CNTN5: variants seen among roughly 807,000 people sequenced by gnomAD.
CNTN5 encodes the protein contactin 5.
Under a neutral mutation model 129.1 loss-of-function variants are expected in CNTN5, and 77 were observed. The observed-to-expected ratio is 0.60, with a 90% CI of 0.50 to 0.72. The LOEUF (loss-of-function observed/expected upper bound fraction) is 0.72. CNTN5 is among the 30% of genes least tolerant of loss of function. CNTN5 has a pLI of 0.00. For synonymous variants in CNTN5, 509 were observed against 465.6 expected, an observed-to-expected ratio of 1.09 and a Z score of -1.20; for missense variants, 1,478 against 1,328.8, an observed-to-expected ratio of 1.11 and a Z score of -1.75.
At chr11:99,387,001 T>C (rs928918532) in intron 2 of CNTN5, among the ~76,000 whole-genome samples, 3 of 152,208 alleles carry the variant, frequency 2.0e-5, no homozygotes, top group Non-Finnish European at 4.4e-5. Flanking sequence ...ATTTATTTAA[T>C]ACTTGTTGGT....
intron 3 of CNTN5, among the ~76,000 whole-genome samples, chr11:99,807,896 G>A (rs1336130868): frequency 6.6e-6 from 1 of 152,036 alleles, no homozygotes; most frequent in African/African-American, 2.4e-5. Flanking sequence ...TGTTTATAAT[G>A]AGAATATTTA....
intron 3 of CNTN5, among the ~76,000 whole-genome samples, chr11:99,689,530 G>GAAAAAAAAAAAAAAAAAAAAA (rs368912453): frequency 1.1e-5 from 1 of 92,902 alleles, no homozygotes; most frequent in Non-Finnish European, 1.9e-5. Context: ...CCTCAAAAAA[G>GAAAAAAAAAAAAAAAAAAAAA]AAAAAAAAAA....
intron 9 of CNTN5, among the ~76,000 whole-genome samples, chr11:100,040,690 C>T (rs997245222): frequency 6.6e-6 from 1 of 152,146 alleles, no homozygotes; most frequent in East Asian, 1.9e-4. Flanking sequence ...CGCCCCTCCC[C>T]CAGCCTCACT....
intron 3 of CNTN5, among the ~76,000 whole-genome samples, chr11:99,771,851 T>G (rs1381238897): frequency 6.6e-6 from 1 of 152,032 alleles, no homozygotes; most frequent in Non-Finnish European, 1.5e-5. Context: ...TTGAGTAGCT[T>G]CCTTTATGTG....
intron 3 of CNTN5, among the ~76,000 whole-genome samples, chr11:99,601,624 C>T (rs776662313): frequency 1.3e-4 from 20 of 152,126 alleles, no homozygotes; most frequent in African/African-American, 1.9e-4. Context: ...TACTAAACAA[C>T]GAATTTGTAT....
chr11:100,299,123 A>G (rs200311310), intron 19 of CNTN5, 39 bp from the exon 20 acceptor site: 4 of 1,312,442 alleles, frequency 3.0e-6, no homozygotes, highest in Non-Finnish European at 2.1e-6. Context: ...TTTTTAATCA[A>G]TCATTTTGCT....
chr11:100,346,604 C>G (rs1952287386), intron 23 of CNTN5, among the ~76,000 whole-genome samples: 1 of 152,042 alleles, frequency 6.6e-6, no homozygotes, highest in Non-Finnish European at 1.5e-5. Context: ...CAAGCAAAAA[C>G]TATTAGTTTT....
At chr11:99,067,950 C>G (rs1037584229) in intron 1 of CNTN5, among the ~76,000 whole-genome samples, 2 of 152,012 alleles carry the variant, frequency 1.3e-5, no homozygotes, top group Non-Finnish European at 2.9e-5. Flanking sequence ...ATGCTGTTCT[C>G]GTGATAGTGA....
At chr11:99,735,602 G>A (rs116257321) in intron 3 of CNTN5, among the ~76,000 whole-genome samples, 2,122 of 152,250 alleles carry the variant, frequency 0.014, 53 homozygotes, top group African/African-American at 0.048. Flanking sequence ...AGTAGAATAA[G>A]CCAAATTTCT....
chr11:99,785,029 G>C (rs1283395629), intron 3 of CNTN5, among the ~76,000 whole-genome samples: 10 of 141,084 alleles, frequency 7.1e-5, no homozygotes, highest in Non-Finnish European at 9.5e-5. Flanking sequence ...TCTATCTCCT[G>C]ACCTCGTGAT....
At position 99,114,372 on chromosome 11, in the gene CNTN5, G is replaced by A. The variant is rs76111299; in HGVS notation, c.-210+93102G>A. Among the ~76,000 whole-genome samples the A allele has an allele frequency of 5.3e-3, 804 of 151,870 alleles. 9 individuals carry two copies. The highest frequency in any genetic ancestry group is 0.019 in the African/African-American group (778 of 41,442). On this transcript the variant is annotated intron_variant, in intron 1 of 24. Coordinates refer to ENST00000524871, the MANE Select transcript of CNTN5 (RefSeq NM_014361.4). ...TAAATCATGAACCTGACAACCTTTT[G>A]GAAATGCTCAGAGGTCTTCTTCTTC... is the stretch of plus-strand genomic sequence containing the variant.
At chr11:99,787,781 G>C (rs1441982010) in intron 3 of CNTN5, among the ~76,000 whole-genome samples, 3 of 151,880 alleles carry the variant, frequency 2.0e-5, no homozygotes, top group African/African-American at 2.4e-5. Flanking sequence ...ATATAATTAA[G>C]CCATTAATAC....
rs1038320333 is a variant in CNTN5 at position 99,315,890 on chromosome 11, G to A, written c.-209-9456G>A. Among the ~76,000 whole-genome samples the A allele has an allele frequency of 1.5e-5, 2 of 134,474 alleles. 1 individual carries two copies. Among genetic ancestry groups the A allele is most frequent in the Admixed American group, 1.4e-4 (2 of 13,850 alleles). The allele number at this position is 134,474 out of a possible 152,430, so 88.2% of individuals were successfully genotyped here. A position where few individuals can be genotyped will look rare whatever the true frequency, so the allele number is the denominator to read the frequency against. Reference sequence around the variant, plus strand: ...CTTAGCAAGAGTTGAATGATAGAAAGAAGAGACAATAGAATGACACAAATT... The same window carrying A: ...CTTAGCAAGAGTTGAATGATAGAAAAAAGAGACAATAGAATGACACAAATT... On this transcript the variant is annotated intron_variant, in intron 1 of 24. Coordinates refer to ENST00000524871, the MANE Select transcript of CNTN5 (RefSeq NM_014361.4).
intron 1 of CNTN5, among the ~76,000 whole-genome samples, chr11:99,286,021 G>C (rs1863923507): frequency 8.3e-6 from 1 of 121,090 alleles, no homozygotes; most frequent in African/African-American, 3.2e-5. Flanking sequence ...CTGAGCGACA[G>C]AGCAAGACTC....
intron 17 of CNTN5, among the ~76,000 whole-genome samples, chr11:100,260,589 T>C (rs1950174727): frequency 6.6e-6 from 1 of 152,184 alleles, no homozygotes; most frequent in South Asian, 2.1e-4. Context: ...TCAAAAAGCT[T>C]ATCCAAAATG....
intron 10 of CNTN5, among the ~76,000 whole-genome samples, chr11:100,066,743 A>G (rs573542261): frequency 1.3e-5 from 2 of 151,884 alleles, no homozygotes; most frequent in East Asian, 1.9e-4. Flanking sequence ...AAGACTTTCC[A>G]TAATGCAGAC....
At chr11:99,069,845 T>A (rs912750701) in intron 1 of CNTN5, among the ~76,000 whole-genome samples, 6 of 152,176 alleles carry the variant, frequency 3.9e-5, no homozygotes, top group Non-Finnish European at 8.8e-5. Flanking sequence ...TGCAAACCCC[T>A]GTTCACACCA....
chr11:99,920,254 C>T (rs1207290749), intron 7 of CNTN5, among the ~76,000 whole-genome samples: 6 of 152,132 alleles, frequency 3.9e-5, no homozygotes, highest in African/African-American at 1.4e-4. Flanking sequence ...TTCTTAATCT[C>T]CTTTGCTGAT....
intron 16 of CNTN5, among the ~76,000 whole-genome samples, chr11:100,240,750 G>A (rs1310493133): frequency 1.3e-5 from 2 of 152,134 alleles, no homozygotes; most frequent in South Asian, 2.1e-4. Flanking sequence ...ATTTTTTAAA[G>A]TGCCCTAGAG....
Sources: gnomAD v4.1 joint callset for allele counts (sites outside exome capture counted in the v4.1 genomes callset) on GRCh38, gnomAD v4.1.1 for gene constraint, MANE v1.5 for transcripts, NCBI Gene and HGNC (gene_info 2026-07-23, HGNC 2026-07-21) for gene names.